The following GPATCH2 variants were observed in gnomAD, a reference collection of about 807,000 sequenced individuals.
GPATCH2 encodes the protein G patch domain-containing protein 2.
GPATCH2 carries 51 observed loss-of-function variants against 58.0 expected under a neutral mutation model. That is an observed-to-expected ratio of 0.88 (90% CI 0.70 to 1.11). The LOEUF (loss-of-function observed/expected upper bound fraction) is 1.11, where lower values mean the gene tolerates loss of function less well. GPATCH2 is among the 50% of genes most tolerant of loss of function. The pLI is 0.00. For missense variants in GPATCH2, 625 were observed against 652.2 expected, an observed-to-expected ratio of 0.96 and a Z score of 0.45; for synonymous variants, 222 against 218.5, an observed-to-expected ratio of 1.02 and a Z score of -0.14.
At chr1:217,568,473 TG>T (rs1208673521) in intron 5 of GPATCH2, among the ~76,000 whole-genome samples, 1 of 151,524 alleles carries the variant, frequency 6.6e-6, no homozygotes, top group Non-Finnish European at 1.5e-5. Context: ...ATAAGTACTA[TG>T]GGGGAAAAAA....
At chr1:217,467,361 A>G (rs1381961174) in intron 8 of GPATCH2, among the ~76,000 whole-genome samples, 1 of 152,224 alleles carries the variant, frequency 6.6e-6, no homozygotes. Flanking sequence ...CACTAATTAT[A>G]CATTGGTATA....
chr1:217,591,804 T>A (rs556939453), intron 5 of GPATCH2, among the ~76,000 whole-genome samples: 1 of 152,232 alleles, frequency 6.6e-6, no homozygotes, highest in South Asian at 2.1e-4. Context: ...TTTTAGTTTA[T>A]CATTTTTTAT....
chr1:217,629,832 A>G (rs928466946), intron 1 of GPATCH2, among the ~76,000 whole-genome samples: 1 of 152,224 alleles, frequency 6.6e-6, no homozygotes, highest in Non-Finnish European at 1.5e-5. Flanking sequence ...TATATTCACT[A>G]TAAAATTAAC....
At chr1:217,559,849 A>G (rs1665830986) in intron 5 of GPATCH2, among the ~76,000 whole-genome samples, 1 of 151,878 alleles carries the variant, frequency 6.6e-6, no homozygotes, top group African/African-American at 2.4e-5. Flanking sequence ...AGAGACAGAG[A>G]TCAAGAGACA....
chr1:217,484,560 A>ATATAT (rs929384479), intron 8 of GPATCH2, among the ~76,000 whole-genome samples: 2 of 145,624 alleles, frequency 1.4e-5, no homozygotes, highest in Non-Finnish European at 3.0e-5. Flanking sequence ...AATTATTTAT[A>ATATAT]TATATATATA....
intron 5 of GPATCH2, among the ~76,000 whole-genome samples, chr1:217,590,784 A>G (rs528953490): frequency 1.4e-4 from 22 of 152,304 alleles, no homozygotes; most frequent in African/African-American, 4.6e-4. Context: ...GTTCCTTTAC[A>G]GTTACAAAGT....
At chr1:217,523,920 C>T (rs548866452) in intron 5 of GPATCH2, among the ~76,000 whole-genome samples, 1 of 110,896 alleles carries the variant, frequency 9.0e-6, no homozygotes, top group African/African-American at 2.9e-5. Flanking sequence ...ACACCTCCCT[C>T]CCGGACGGGG....
intron 5 of GPATCH2, among the ~76,000 whole-genome samples, chr1:217,582,562 A>G (rs1386994512): frequency 6.6e-6 from 1 of 152,196 alleles, no homozygotes; most frequent in Non-Finnish European, 1.5e-5. Flanking sequence ...AAGCAACACC[A>G]CAATTTTACT....
At chr1:217,433,378 ATATATATTTATT>A (rs1388063424) in intron 9 of GPATCH2, among the ~76,000 whole-genome samples, 3 of 82,052 alleles carry the variant, frequency 3.7e-5, no homozygotes, top group Non-Finnish European at 5.5e-5. Context: ...ATATATATAT[ATATATATTTATT>A]TATTTATTTA....
At position 217,619,797 on chromosome 1, in the gene GPATCH2, C is replaced by A. The variant is rs78775707; in HGVS notation, c.759G>T (p.Glu253Asp). ...ATAAAAGTCACCTTTCACTCATGAG[C>A]TCATCTGAGACTTTTTGCTCTTCAC... ...MECEEQKVSD[E>D]LMSESDSSSL... Residue 253 changes from glutamate (E) to aspartate (D), a missense_variant, in exon 2 of 10, where the codon GAG (glutamate) becomes GAT (aspartate). By Grantham distance (45) the Glu-to-Asp change is conservative. Transcript: ENST00000366935. 6.4e-7 allele frequency: 1 copy of A among 1,556,434 alleles called. No homozygotes were observed. The highest frequency in any genetic ancestry group is 8.8e-7 in the Non-Finnish European group (1 of 1,140,730).
At chr1:217,512,675 AAC>A (rs1433022208) in intron 6 of GPATCH2, among the ~76,000 whole-genome samples, 6 of 152,200 alleles carry the variant, frequency 3.9e-5, no homozygotes, top group African/African-American at 1.2e-4. Flanking sequence ...TGCAACAACA[AAC>A]ACAACAGAAA....
At chr1:217,457,545 C>A (rs1660000550) in intron 8 of GPATCH2, among the ~76,000 whole-genome samples, 1 of 152,130 alleles carries the variant, frequency 6.6e-6, no homozygotes, top group Admixed American at 6.5e-5. Context: ...TACCTAGAGT[C>A]ACAGATGGAA....
chr1:217,581,547 T>C (rs578138359), intron 5 of GPATCH2, among the ~76,000 whole-genome samples: 29 of 152,302 alleles, frequency 1.9e-4, no homozygotes, highest in African/African-American at 7.0e-4. Context: ...CCCCAACTTC[T>C]CACTGGGATG....
At chr1:217,437,611 C>T (rs547714677) in intron 9 of GPATCH2, among the ~76,000 whole-genome samples, 67 of 152,362 alleles carry the variant, frequency 4.4e-4, no homozygotes, top group African/African-American at 1.5e-3. Context: ...GTAAACAAAG[C>T]TGCTGGGAGT....
At chr1:217,495,865 A>C (rs977867041) in intron 7 of GPATCH2, among the ~76,000 whole-genome samples, 1 of 152,232 alleles carries the variant, frequency 6.6e-6, no homozygotes, top group African/African-American at 2.4e-5. Context: ...CACTATGTAT[A>C]GTAAATTGAA....
At chr1:217,613,211 G>A (rs1189449937) in intron 3 of GPATCH2, among the ~76,000 whole-genome samples, 2 of 151,864 alleles carry the variant, frequency 1.3e-5, no homozygotes, top group East Asian at 1.9e-4. Context: ...CTTTCAAACA[G>A]TTATGTACCT....
chr1:217,512,471 T>G (rs1662902172), intron 6 of GPATCH2, among the ~76,000 whole-genome samples: 1 of 152,248 alleles, frequency 6.6e-6, no homozygotes, highest in Admixed American at 6.5e-5. Flanking sequence ...GCAAAATGAC[T>G]AGATCTTCCT....
intron 6 of GPATCH2, among the ~76,000 whole-genome samples, chr1:217,502,106 A>T (rs1007398459): frequency 3.3e-5 from 5 of 152,110 alleles, no homozygotes; most frequent in Non-Finnish European, 7.4e-5. Flanking sequence ...AATACCACAC[A>T]GTCCTGAATA....
chr1:217,446,623 A>G (rs771467980), intron 9 of GPATCH2, among the ~76,000 whole-genome samples: 1 of 152,144 alleles, frequency 6.6e-6, no homozygotes, highest in Admixed American at 6.5e-5. Context: ...CTCCTGCTCC[A>G]CTACTTTTTG....
Sources: gnomAD v4.1 joint callset for allele counts (sites outside exome capture counted in the v4.1 genomes callset) on GRCh38, gnomAD v4.1.1 for gene constraint, MANE v1.5 for transcripts, NCBI Gene and HGNC (gene_info 2026-07-23, HGNC 2026-07-21) for gene names.